The following SH2D4B variants were observed in gnomAD, a reference collection of about 807,000 sequenced individuals.
SH2D4B encodes SH2 domain containing 4B.
A neutral mutation model predicts 61.5 loss-of-function variants in SH2D4B; 45 were observed. The ratio of observed to expected loss-of-function variants is 0.73; its 90% CI spans 0.58 to 0.94. The LOEUF (loss-of-function observed/expected upper bound fraction) is 0.94. Among genes scored for constraint, SH2D4B ranks in the 40% least tolerant of loss-of-function variants. The probability of loss-of-function intolerance (pLI) is 0.00; values close to 1 mark genes in which losing one functional copy is unlikely to be tolerated. For missense variants in SH2D4B, 572 were observed against 574.2 expected, an observed-to-expected ratio of 1.00 and a Z score of 0.04; for synonymous variants, 224 against 220.4, an observed-to-expected ratio of 1.02 and a Z score of -0.14.
In SH2D4B at chr10:80,597,644, C is replaced by G. The variant is rs193109526; in HGVS notation, c.644-5935C>G. Among the ~76,000 whole-genome samples the G allele has an allele frequency of 8.1e-3, 1,238 of 151,996 alleles. 20 individuals are homozygous for G. Among genetic ancestry groups the G allele is most frequent in the African/African-American group, 0.027 (1,101 of 41,410 alleles). The stretch of plus-strand genomic sequence containing the variant: ...TCGTGCCATTGCACTCCAGCCTGGG[C>G]AACAGAGCGAGACTCCATCTCAAAA... On this transcript the variant is annotated intron_variant, in intron 4 of 7. Coordinates refer to ENST00000646907, the MANE Select transcript of SH2D4B (RefSeq NM_001388272.1).
chr10:80,566,813 AT>A (rs902780250), intron 1 of SH2D4B, among the ~76,000 whole-genome samples: 6 of 151,938 alleles, frequency 3.9e-5, no homozygotes, highest in Non-Finnish European at 8.8e-5. Context: ...CTTATCATTT[AT>A]TTTTACCCAC....
At chr10:80,619,917 C>T (rs1360816503) in intron 6 of SH2D4B, among the ~76,000 whole-genome samples, 1 of 152,246 alleles carries the variant, frequency 6.6e-6, no homozygotes, top group Non-Finnish European at 1.5e-5. Flanking sequence ...TGTTTGCAGC[C>T]ACTCCTTACC....
At chr10:80,564,199 T>C (rs1841939560) in intron 1 of SH2D4B, among the ~76,000 whole-genome samples, 1 of 152,236 alleles carries the variant, frequency 6.6e-6, no homozygotes, top group African/African-American at 2.4e-5. Context: ...ATTCTTTTTA[T>C]GTCTTGTAGA....
chr10:80,583,107 C>T (rs545258312), intron 3 of SH2D4B, among the ~76,000 whole-genome samples: 2 of 152,256 alleles, frequency 1.3e-5, no homozygotes, highest in Admixed American at 1.3e-4. Context: ...ACATGTATGA[C>T]AGGCACCAAA....
At chr10:80,604,208 C>T (rs911075643) in intron 5 of SH2D4B, among the ~76,000 whole-genome samples, 3 of 152,186 alleles carry the variant, frequency 2.0e-5, no homozygotes, top group African/African-American at 4.8e-5. Context: ...TGCTGCCTGT[C>T]GGAGCCCCAG....
Position 80,572,957 on chromosome 10 carries a change from TATATATATATATATATATATATATATA to T in SH2D4B, c.495+1380_495+1406del, listed in dbSNP as rs1564771850. Among the ~76,000 whole-genome samples, 32 of 6,224 alleles carry T rather than the reference TATATATATATATATATATATATATATA, an allele frequency of 5.1e-3. 1 individual carries two copies. Among genetic ancestry groups the T allele is most frequent in the African/African-American group, 0.015 (22 of 1,448 alleles). The allele number at this position is 6,224 out of a possible 152,430, so 4.1% of individuals were successfully genotyped here. ...CATGTATGTTGCAAATATATATATATATATATATATATATATATATATATATATATTTTTTTTTTTTTTTTTTTTTTT... is the reference window on the plus strand; with the variant it reads ...CATGTATGTTGCAAATATATATATATTATTTTTTTTTTTTTTTTTTTTTTT... On this transcript the variant is annotated intron_variant, in intron 3 of 7. Transcript: ENST00000646907.
intron 1 of SH2D4B, among the ~76,000 whole-genome samples, chr10:80,566,090 C>CA (rs60774703): frequency 0.51 from 12,094 of 23,762 alleles, 4,736 homozygotes; most frequent in Non-Finnish European, 0.64. Flanking sequence ...GACTCCGGCT[C>CA]AAAAAAAAAA....
At chr10:80,575,513 C>A (rs1294662353) in intron 3 of SH2D4B, among the ~76,000 whole-genome samples, 2 of 152,154 alleles carry the variant, frequency 1.3e-5, no homozygotes, top group Non-Finnish European at 2.9e-5. Context: ...GTAATCCCAG[C>A]ACTTTGGGCA....
chr10:80,544,744 C>T (rs1841646428), intron 1 of SH2D4B, among the ~76,000 whole-genome samples: 1 of 152,234 alleles, frequency 6.6e-6, no homozygotes, highest in Non-Finnish European at 1.5e-5. Flanking sequence ...CTCATCCCTA[C>T]AATTCCTTCC....
chr10:80,587,704 A>G (rs943206894), intron 3 of SH2D4B, among the ~76,000 whole-genome samples: 1 of 152,134 alleles, frequency 6.6e-6, no homozygotes, highest in South Asian at 2.1e-4. Context: ...TAGTGAGCAT[A>G]TTACCCAAGA....
rs1840395514 is a variant in SH2D4B at position 80,646,373 on chromosome 10, A to G, written c.*2288A>G. On this transcript the variant is annotated 3_prime_UTR_variant, in exon 8 of 8. Coordinates refer to ENST00000646907, the MANE Select transcript of SH2D4B (RefSeq NM_001388272.1). ...GACAACAGCTGGGTTTTCCATCCCT[A>G]ACACATTTATTTCATTTTATTTGGG... 6.6e-6 allele frequency: 1 copy of G among 152,554 alleles called. No homozygotes were observed. Among genetic ancestry groups the G allele is most frequent in the African/African-American group, 2.4e-5 (1 of 41,430 alleles). 9.5% of individuals were successfully genotyped at this position (152,554 alleles called of 1,614,324 possible).
intron 5 of SH2D4B, 58 bp from the exon 6 acceptor site, chr10:80,609,366 C>G: frequency 1.9e-6 from 3 of 1,539,548 alleles, no homozygotes; most frequent in Non-Finnish European, 2.6e-6. Flanking sequence ...GCCTTCCTCT[C>G]CCTCCGCTCT....
chr10:80,645,453 A>C lies in SH2D4B; in HGVS notation c.*1368A>C, dbSNP rs911241576. 1 of 152,230 alleles carries C rather than the reference A, an allele frequency of 6.6e-6. No individual in the cohort carries two copies. Among genetic ancestry groups the C allele is most frequent in the African/African-American group, 2.4e-5 (1 of 41,468 alleles). The allele number at this position is 152,230 out of a possible 1,614,324, so 9.4% of individuals were successfully genotyped here. A position where few individuals can be genotyped will look rare whatever the true frequency, so the allele number is the denominator to read the frequency against. On this transcript the variant is annotated 3_prime_UTR_variant, in exon 8 of 8. Coordinates refer to ENST00000646907, the MANE Select transcript of SH2D4B (RefSeq NM_001388272.1). ...GAGGCATAAGACAGAAGAGATGGGAAGTGAATGCCCGATGTGGTGAATCTG... is the reference window on the plus strand; with the variant it reads ...GAGGCATAAGACAGAAGAGATGGGACGTGAATGCCCGATGTGGTGAATCTG...
At chr10:80,623,202 G>A (rs7358283) in intron 6 of SH2D4B, among the ~76,000 whole-genome samples, 51,951 of 152,184 alleles carry the variant, frequency 0.34, 9,944 homozygotes, top group African/African-American at 0.51. Context: ...GGCGTGAGCC[G>A]CCGTGCCTGG....
At chr10:80,570,014 C>T in intron 1 of SH2D4B, 140 bp from the exon 2 acceptor site, 1 of 1,041,800 alleles carries the variant, frequency 9.6e-7, no homozygotes, top group Admixed American at 2.3e-5. Flanking sequence ...TGCCCCCAGG[C>T]CAGTGTCTCT....
intron 2 of SH2D4B, among the ~76,000 whole-genome samples, chr10:80,571,105 C>T (rs1007786636): frequency 6.6e-6 from 1 of 152,052 alleles, no homozygotes; most frequent in Non-Finnish European, 1.5e-5. Flanking sequence ...GAACTCCTGG[C>T]CTCAAGCGAT....
chr10:80,558,464 T>A (rs1294337569), intron 1 of SH2D4B, among the ~76,000 whole-genome samples: 1 of 151,618 alleles, frequency 6.6e-6, no homozygotes. Context: ...ATATGCCATA[T>A]AATGATCATG....
intron 1 of SH2D4B, among the ~76,000 whole-genome samples, chr10:80,556,966 G>T (rs555749231): frequency 3.2e-4 from 49 of 152,182 alleles, no homozygotes; most frequent in Middle Eastern, 3.4e-3. Context: ...TAACAACCTT[G>T]CCTGTTCCTA....
intron 3 of SH2D4B, among the ~76,000 whole-genome samples, chr10:80,574,021 CT>C (rs1052939266): frequency 6.6e-6 from 1 of 152,128 alleles, no homozygotes; most frequent in Non-Finnish European, 1.5e-5. Flanking sequence ...TTTAAAATAC[CT>C]TTAAAAGTGC....
Sources: gnomAD v4.1 joint callset for allele counts (sites outside exome capture counted in the v4.1 genomes callset) on GRCh38, gnomAD v4.1.1 for gene constraint, MANE v1.5 for transcripts, NCBI Gene and HGNC (gene_info 2026-07-23, HGNC 2026-07-21) for gene names.